Variants in DPP10 observed in about 807,000 individuals in gnomAD.
The protein encoded by DPP10 is inactive dipeptidyl peptidase 10.
A neutral mutation model predicts 120.9 loss-of-function variants in DPP10; 33 were observed. The observed-to-expected ratio is 0.27, with a 90% CI of 0.21 to 0.37. The LOEUF is 0.37. Ranked by LOEUF, DPP10 falls within the 10% of genes least tolerant of loss-of-function variation. The pLI is 1.00. For synonymous variants in DPP10, 337 were observed against 326.1 expected (o/e 1.03, Z -0.36); for missense variants, 816 against 942.8 (o/e 0.87, Z 1.76).
chr2:114,920,447 CA>C (rs1695120199), intron 1 of DPP10, among the ~76,000 whole-genome samples: 1 of 152,192 alleles, frequency 6.6e-6, no homozygotes, highest in South Asian at 2.1e-4. Flanking sequence ...CCTTCAATGT[CA>C]AAAGACTGAT....
chr2:115,001,165 T>C (rs566625472), intron 1 of DPP10, among the ~76,000 whole-genome samples: 2 of 152,330 alleles, frequency 1.3e-5, no homozygotes, highest in East Asian at 3.9e-4. Flanking sequence ...ATAGTTAAAA[T>C]CAACTTTTTA....
At chr2:115,097,175 TAA>T in intron 1 of DPP10, among the ~76,000 whole-genome samples, 1 of 151,872 alleles carries the variant, frequency 6.6e-6, no homozygotes, top group East Asian at 1.9e-4. Flanking sequence ...AACAAATAAA[TAA>T]AGTCATAGTA....
At chr2:114,881,510 G>A (rs1691621025) in intron 1 of DPP10, among the ~76,000 whole-genome samples, 1 of 129,086 alleles carries the variant, frequency 7.7e-6, no homozygotes, top group African/African-American at 2.8e-5. Context: ...CTGTCTGTCT[G>A]TCTATCTATC....
chr2:114,976,829 C>T (rs985755761), intron 1 of DPP10, among the ~76,000 whole-genome samples: 1 of 152,012 alleles, frequency 6.6e-6, no homozygotes, highest in African/African-American at 2.4e-5. Flanking sequence ...GAGTTTTTTC[C>T]TATGTTACTT....
chr2:114,692,664 A>G (rs2105776435), intron 1 of DPP10, among the ~76,000 whole-genome samples: 1 of 152,060 alleles, frequency 6.6e-6, no homozygotes, highest in Non-Finnish European at 1.5e-5. Context: ...GATCTGTCTA[A>G]TATTGTCAGT....
intron 1 of DPP10, among the ~76,000 whole-genome samples, chr2:114,803,174 T>C (rs1235396140): frequency 2.0e-5 from 3 of 152,228 alleles, no homozygotes; most frequent in African/African-American, 7.2e-5. Context: ...TGCTTCTTCC[T>C]TATTTTCTCT....
chr2:115,100,669 G>A (rs1189505212), intron 1 of DPP10, among the ~76,000 whole-genome samples: 1 of 152,064 alleles, frequency 6.6e-6, no homozygotes, highest in Non-Finnish European at 1.5e-5. Flanking sequence ...GAAATATGCT[G>A]ACTGACATGA....
At chr2:115,657,891 G>A (rs2088535774) in intron 5 of DPP10, among the ~76,000 whole-genome samples, 1 of 151,852 alleles carries the variant, frequency 6.6e-6, no homozygotes, top group Admixed American at 6.6e-5. Context: ...CTATGTGTCT[G>A]AAGAGAACCT....
intron 1 of DPP10, among the ~76,000 whole-genome samples, chr2:114,477,706 T>C (rs1241486340): frequency 8.3e-6 from 1 of 120,876 alleles, no homozygotes; most frequent in African/African-American, 2.6e-5. Context: ...AGTATGTGTG[T>C]GTGTATATAT....
chr2:114,677,056 C>T (rs550840282), intron 1 of DPP10, among the ~76,000 whole-genome samples: 1 of 152,128 alleles, frequency 6.6e-6, no homozygotes, highest in East Asian at 1.9e-4. Flanking sequence ...CTGGTGTGGC[C>T]CCAGAGTCAA....
intron 3 of DPP10, among the ~76,000 whole-genome samples, chr2:115,440,521 A>G (rs1172232982): frequency 1.4e-5 from 2 of 146,436 alleles, no homozygotes; most frequent in East Asian, 2.0e-4. Context: ...ACGCCACACT[A>G]TGAGATGAAT....
intron 1 of DPP10, among the ~76,000 whole-genome samples, chr2:114,614,594 G>C (rs1416651116): frequency 6.6e-6 from 1 of 152,112 alleles, no homozygotes; most frequent in Non-Finnish European, 1.5e-5. Context: ...ATAGTTGCTT[G>C]ATTTTTATTG....
intron 1 of DPP10, among the ~76,000 whole-genome samples, chr2:114,923,935 G>A: frequency 6.6e-6 from 1 of 151,978 alleles, no homozygotes; most frequent in East Asian, 1.9e-4. Context: ...TATCGCCCTG[G>A]TTGGTCTTGA....
chr2:115,228,637 T>G (rs1307274377), intron 1 of DPP10, among the ~76,000 whole-genome samples: 1 of 152,168 alleles, frequency 6.6e-6, no homozygotes, highest in Non-Finnish European at 1.5e-5. Flanking sequence ...AGTTTGTCTT[T>G]CTGCACCACA....
intron 1 of DPP10, among the ~76,000 whole-genome samples, chr2:114,953,998 A>C (rs908569829): frequency 2.0e-5 from 3 of 151,860 alleles, no homozygotes; most frequent in Non-Finnish European, 4.4e-5. Flanking sequence ...ACTTCTTGGA[A>C]TTGTTCAACC....
chr2:115,462,832 C>T (rs1558698089), intron 3 of DPP10, among the ~76,000 whole-genome samples: 1 of 152,026 alleles, frequency 6.6e-6, no homozygotes. Flanking sequence ...CAGGCTCAAG[C>T]AACCCTCCCA....
intron 3 of DPP10, among the ~76,000 whole-genome samples, chr2:115,464,414 ACAC>A (rs534189933): frequency 6.7e-6 from 1 of 148,996 alleles, no homozygotes; most frequent in South Asian, 2.2e-4. Context: ...CCAAAAAAAA[ACAC>A]AAACAAAACA....
intron 17 of DPP10, among the ~76,000 whole-genome samples, chr2:115,788,267 T>C (rs1466131484): frequency 6.6e-6 from 1 of 152,084 alleles, no homozygotes; most frequent in East Asian, 1.9e-4. Context: ...CAGTTGTGAT[T>C]AGAAAGAAAT....
intron 1 of DPP10, among the ~76,000 whole-genome samples, chr2:114,884,552 C>G (rs986494961): frequency 2.6e-4 from 39 of 152,218 alleles, no homozygotes; most frequent in African/African-American, 8.7e-4. Flanking sequence ...CTCCCCCTTC[C>G]ACGTTTATGT....
Sources: gnomAD v4.1 joint callset for allele counts (sites outside exome capture counted in the v4.1 genomes callset) on GRCh38, gnomAD v4.1.1 for gene constraint, MANE v1.5 for transcripts, NCBI Gene and HGNC (gene_info 2026-07-23, HGNC 2026-07-21) for gene names.